The following ARL17B variants were observed in gnomAD, a reference collection of about 807,000 sequenced individuals.
ARL17B encodes ADP-ribosylation factor-like protein 17.
At chr17:46,282,336 T>A (rs539362948) in intron 4 of ARL17B, among the ~76,000 whole-genome samples, 6 of 151,860 alleles carry the variant, frequency 4.0e-5, no homozygotes, top group Admixed American at 3.9e-4. Context: ...ATCTCCTGAC[T>A]TCGTGATCCG....
intron 3 of ARL17B, among the ~76,000 whole-genome samples, chr17:46,312,179 T>C (rs1323322583): frequency 4.5e-5 from 1 of 22,356 alleles, no homozygotes; most frequent in East Asian, 2.0e-3. Flanking sequence ...GAGCCAGTTC[T>C]CACTCAGTCT....
chr17:46,332,959 A>C (rs1322830140), downstream of ARL17B, among the ~76,000 whole-genome samples: 1 of 151,160 alleles, frequency 6.6e-6, no homozygotes, highest in Non-Finnish European at 1.5e-5. Context: ...AATTGGATGT[A>C]CTCATCAAGT....
intron 4 of ARL17B, among the ~76,000 whole-genome samples, chr17:46,278,366 T>TTTTTG (rs1436864076): frequency 2.0e-5 from 3 of 152,118 alleles, no homozygotes; most frequent in Non-Finnish European, 4.4e-5. Flanking sequence ...GTCCTAGTCT[T>TTTTTG]TTTTGTTTTG....
At chr17:46,277,482 G>C (rs1308741228) in intron 4 of ARL17B, among the ~76,000 whole-genome samples, 2 of 152,180 alleles carry the variant, frequency 1.3e-5, no homozygotes, top group African/African-American at 4.8e-5. Context: ...AATTGAACCA[G>C]AGGAATAACC....
At chr17:46,340,988 G>A (rs1327280351) in intron 3 of ARL17B, among the ~76,000 whole-genome samples, 3 of 70,820 alleles carry the variant, frequency 4.2e-5, no homozygotes, top group African/African-American at 9.2e-5. Context: ...TGATCCTCCC[G>A]CCTTGGTCTC....
intron 4 of ARL17B, among the ~76,000 whole-genome samples, chr17:46,277,641 C>CT (rs779380997): frequency 0.028 from 4,092 of 144,866 alleles, 1 homozygote; most frequent in Non-Finnish European, 0.042. Context: ...CTTTTCTTTT[C>CT]TTTCTTTCTT....
intron 4 of ARL17B, among the ~76,000 whole-genome samples, chr17:46,283,538 C>A (rs1232041845): frequency 6.6e-6 from 1 of 152,218 alleles, no homozygotes; most frequent in Non-Finnish European, 1.5e-5. Flanking sequence ...GATTTCTGCT[C>A]TAGTAATAAG....
rs1254031026 is a variant in ARL17B, at chr17:46,285,305, A to G, written c.*22-9887T>C. 1.6e-4 allele frequency among the ~76,000 whole-genome samples: 23 copies of G among 143,478 alleles called. 1 individual carries two copies. The highest frequency in any genetic ancestry group is 3.6e-3 in the Middle Eastern group (1 of 278). The allele number at this position is 143,478 out of a possible 152,430, so 94.1% of individuals were successfully genotyped here. ...ACCCGAGCTGGAGTGCCATGGCTCG[A>G]TCTTGGCTCACTGCAACCTCTGCTT... On this transcript the variant is annotated intron_variant, in intron 4 of 4. Transcript: ENST00000570618.
intron 3 of ARL17B, among the ~76,000 whole-genome samples, chr17:46,321,357 GAAAAAA>G (rs763727306): frequency 2.6e-4 from 8 of 31,362 alleles, no homozygotes; most frequent in South Asian, 1.3e-3. Context: ...CTCCGTCTCA[GAAAAAA>G]AAAAAAAAAA....
At chr17:46,282,902 T>A (rs2049808644) in intron 4 of ARL17B, among the ~76,000 whole-genome samples, 1 of 152,198 alleles carries the variant, frequency 6.6e-6, no homozygotes, top group Non-Finnish European at 1.5e-5. Context: ...GCGGATCACC[T>A]GAGGTCAGGA....
At chr17:46,317,107 G>T (rs1431696031) in intron 3 of ARL17B, among the ~76,000 whole-genome samples, 2 of 86,694 alleles carry the variant, frequency 2.3e-5, no homozygotes, top group African/African-American at 6.0e-5. Flanking sequence ...ATCATGGCCC[G>T]TTCTCAATGA....
chr17:46,276,028 T>C (rs533967557), intron 4 of ARL17B, among the ~76,000 whole-genome samples: 1 of 152,124 alleles, frequency 6.6e-6, no homozygotes, highest in African/African-American at 2.4e-5. Context: ...GTAGCTGGGA[T>C]TACAGGTGCC....
chr17:46,278,561 G>A (rs746843001), intron 4 of ARL17B, among the ~76,000 whole-genome samples: 10 of 151,412 alleles, frequency 6.6e-5, no homozygotes, highest in African/African-American at 9.7e-5. Flanking sequence ...TCACCACTGC[G>A]ACCGGCTAAT....
chr17:46,282,581 A>AT (rs66586772), intron 4 of ARL17B, among the ~76,000 whole-genome samples: 15,206 of 136,880 alleles, frequency 0.11, 4 homozygotes, highest in Middle Eastern at 0.17. Flanking sequence ...AGCCTGGTTA[A>AT]TTTTTTTTTT....
chr17:46,274,492 T>A (rs2668621), downstream of ARL17B, among the ~76,000 whole-genome samples: 1 of 152,190 alleles, frequency 6.6e-6, no homozygotes, highest in Non-Finnish European at 1.5e-5. Context: ...ACATAGCAGC[T>A]CCTTTCATAG....
chr17:46,332,913 A>C (rs1199583942), downstream of ARL17B, among the ~76,000 whole-genome samples: 2 of 151,434 alleles, frequency 1.3e-5, no homozygotes, highest in African/African-American at 4.9e-5. Context: ...AAGTCGATAT[A>C]ATAGCAAAAT....
At chr17:46,290,023 G>A (rs1409369048) in intron 4 of ARL17B, among the ~76,000 whole-genome samples, 1 of 152,270 alleles carries the variant, frequency 6.6e-6, no homozygotes, top group Non-Finnish European at 1.5e-5. Context: ...GAAGGCTGAG[G>A]TTGGAGGCTC....
chr17:46,327,051 C>G (rs1346620586), intron 3 of ARL17B, among the ~76,000 whole-genome samples: 1 of 85,634 alleles, frequency 1.2e-5, no homozygotes, highest in Admixed American at 1.2e-4. Flanking sequence ...CTAAAACATG[C>G]CTCTACTTTC....
In ARL17B at chr17:46,335,437, T is replaced by G; in HGVS notation, c.*4063A>C. ...ATACAATTCCTGTCTTCAAAAAAGT[T>G]ACCTCATCAGGTACATGAGACTTAT... On this transcript the variant is annotated 3_prime_UTR_variant, in exon 4 of 4. Coordinates refer to ENST00000450673, the MANE Select transcript of ARL17B (RefSeq NM_001039083.5). 1 of 154,500 alleles carries G rather than the reference T, an allele frequency of 6.5e-6. No homozygotes were observed. The highest frequency in any genetic ancestry group is 1.9e-5 in the African/African-American group (1 of 51,984). 9.6% of individuals were successfully genotyped at this position (154,500 alleles called of 1,614,324 possible).
Sources: gnomAD v4.1 joint callset for allele counts (sites outside exome capture counted in the v4.1 genomes callset) on GRCh38, gnomAD v4.1.1 for gene constraint, MANE v1.5 for transcripts, NCBI Gene and HGNC (gene_info 2026-07-23, HGNC 2026-07-21) for gene names.